Variants in LRP1B observed in about 807,000 individuals in gnomAD.
LRP1B encodes the protein low-density lipoprotein receptor-related protein 1B.
LRP1B carries 217 observed loss-of-function variants against 556.6 expected under a neutral mutation model. The ratio of observed to expected loss-of-function variants is 0.39; its 90% CI spans 0.35 to 0.44. The LOEUF (loss-of-function observed/expected upper bound fraction) is 0.44, where lower values mean the gene tolerates loss of function less well. Ranked by LOEUF, LRP1B falls within the 20% of genes least tolerant of loss-of-function variation. The pLI is 1.00. For missense variants in LRP1B, 5,053 were observed against 5,620.8 expected, an observed-to-expected ratio of 0.90 and a Z score of 3.23; for synonymous variants, 2,047 against 1,865.8, an observed-to-expected ratio of 1.10 and a Z score of -2.50.
intron 27 of LRP1B, among the ~76,000 whole-genome samples, chr2:140,865,025 G>T (rs1156418566): frequency 7.2e-5 from 11 of 152,004 alleles, no homozygotes; most frequent in Admixed American, 7.2e-4. Context: ...GCTCCCTCAT[G>T]CTGTAAATTT....
At chr2:141,747,292 T>C (rs1190646400) in intron 2 of LRP1B, among the ~76,000 whole-genome samples, 2 of 152,176 alleles carry the variant, frequency 1.3e-5, no homozygotes, top group Non-Finnish European at 2.9e-5. Flanking sequence ...TTAAAACCGG[T>C]CTAAAAGCCC....
chr2:141,005,218 T>C, intron 15 of LRP1B, 117 bp downstream of exon 15: 1 of 1,131,208 alleles, frequency 8.8e-7, no homozygotes. Flanking sequence ...GAATTATATC[T>C]AAATAATTAT....
intron 2 of LRP1B, among the ~76,000 whole-genome samples, chr2:141,544,335 T>TTCTTCTTCTTC (rs1685431586): frequency 1.5e-5 from 1 of 66,700 alleles, no homozygotes; most frequent in Non-Finnish European, 2.9e-5. Context: ...CTTCTTCTTC[T>TTCTTCTTCTTC]TCTTCTTCTT....
At chr2:140,261,838 G>A (rs10199683) in intron 86 of LRP1B, among the ~76,000 whole-genome samples, 5,665 of 151,898 alleles carry the variant, frequency 0.037, 357 homozygotes, top group African/African-American at 0.13. Flanking sequence ...TAGGAAATGT[G>A]GATATTGTAA....
At chr2:141,528,281 C>A (rs1480934029) in intron 2 of LRP1B, among the ~76,000 whole-genome samples, 2 of 151,690 alleles carry the variant, frequency 1.3e-5, no homozygotes, top group Non-Finnish European at 2.9e-5. Flanking sequence ...TGTAGTTGTC[C>A]AGAAAAATTT....
intron 82 of LRP1B, among the ~76,000 whole-genome samples, chr2:140,317,055 T>C (rs1280330323): frequency 6.6e-6 from 1 of 152,090 alleles, no homozygotes; most frequent in Non-Finnish European, 1.5e-5. Context: ...GGGTGAGCAC[T>C]GGAGGAAATG....
At chr2:142,020,503 A>G (rs1703295337) in intron 1 of LRP1B, among the ~76,000 whole-genome samples, 1 of 152,212 alleles carries the variant, frequency 6.6e-6, no homozygotes, top group African/African-American at 2.4e-5. Flanking sequence ...TAAGCTATTA[A>G]TACAGTTCAG....
chr2:141,864,880 TC>T (rs1214858459), intron 1 of LRP1B, among the ~76,000 whole-genome samples: 1 of 132,958 alleles, frequency 7.5e-6, no homozygotes, highest in East Asian at 2.1e-4. Context: ...AGACTCTGTC[TC>T]AAAAAACAAA....
intron 6 of LRP1B, among the ~76,000 whole-genome samples, chr2:141,227,886 A>C: frequency 6.6e-6 from 1 of 152,088 alleles, no homozygotes; most frequent in Admixed American, 6.6e-5. Flanking sequence ...CTATCACAGC[A>C]TTCTTCTTTT....
At chr2:141,853,460 C>T (rs1375630994) in intron 1 of LRP1B, among the ~76,000 whole-genome samples, 1 of 151,694 alleles carries the variant, frequency 6.6e-6, no homozygotes, top group Admixed American at 6.6e-5. Flanking sequence ...TTTTCAAGTA[C>T]TGCACTCTAC....
chr2:141,893,356 G>A (rs1317629413), intron 1 of LRP1B, among the ~76,000 whole-genome samples: 4 of 151,986 alleles, frequency 2.6e-5, no homozygotes, highest in Admixed American at 6.6e-5. Flanking sequence ...GTGTGCCACC[G>A]CACCTGGCTA....
chr2:140,908,544 C>T (rs1694327696), intron 21 of LRP1B, among the ~76,000 whole-genome samples: 1 of 151,510 alleles, frequency 6.6e-6, no homozygotes, highest in South Asian at 2.1e-4. Context: ...AGGTAAATGC[C>T]TCATTTTAGC....
intron 1 of LRP1B, among the ~76,000 whole-genome samples, chr2:142,056,101 A>G (rs1574638969): frequency 6.6e-6 from 1 of 152,126 alleles, no homozygotes; most frequent in African/African-American, 2.4e-5. Flanking sequence ...CAGTGAGCCG[A>G]GACTGCGCCA....
chr2:140,544,845 G>C (rs1039626223), intron 43 of LRP1B, among the ~76,000 whole-genome samples: 5 of 152,066 alleles, frequency 3.3e-5, no homozygotes, highest in Admixed American at 6.6e-5. Context: ...CCCAGTAATG[G>C]GACTGCTGGG....
At chr2:141,224,981 T>C (rs1683187637) in intron 6 of LRP1B, among the ~76,000 whole-genome samples, 1 of 152,046 alleles carries the variant, frequency 6.6e-6, no homozygotes, top group Non-Finnish European at 1.5e-5. Context: ...TGAAATTAAA[T>C]TAAAAATAAA....
intron 7 of LRP1B, among the ~76,000 whole-genome samples, chr2:141,164,286 T>C (rs1390907551): frequency 6.6e-6 from 1 of 152,016 alleles, no homozygotes; most frequent in East Asian, 1.9e-4. Context: ...TACAACTTAA[T>C]CATTATTTGA....
intron 35 of LRP1B, among the ~76,000 whole-genome samples, chr2:140,717,835 A>G (rs1687265732): frequency 6.6e-6 from 1 of 152,132 alleles, no homozygotes. Flanking sequence ...AATGAAATAT[A>G]GTCTTTACTT....
chr2:140,650,163 A>T (rs116046812), intron 41 of LRP1B, among the ~76,000 whole-genome samples: 1,677 of 151,950 alleles, frequency 0.011, 31 homozygotes, highest in African/African-American at 0.038. Context: ...AAGGTTTTTT[A>T]AAAAAATTTA....
chr2:141,657,116 GT>G (rs1690041708), intron 2 of LRP1B, among the ~76,000 whole-genome samples: 1 of 152,042 alleles, frequency 6.6e-6, no homozygotes, highest in Non-Finnish European at 1.5e-5. Context: ...TTAGGAGACA[GT>G]TCTTTGAGAC....
Sources: gnomAD v4.1 joint callset for allele counts (sites outside exome capture counted in the v4.1 genomes callset) on GRCh38, gnomAD v4.1.1 for gene constraint, MANE v1.5 for transcripts, NCBI Gene and HGNC (gene_info 2026-07-23, HGNC 2026-07-21) for gene names.